MAP2K5: variants seen among roughly 807,000 people sequenced by gnomAD.
MAP2K5 encodes the protein mitogen-activated protein kinase kinase 5.
In MAP2K5, 49 loss-of-function variants were observed where a neutral mutation model predicts 83.1. That is an observed-to-expected ratio of 0.59 (90% confidence interval 0.47 to 0.75). The LOEUF is 0.75. Among genes scored for constraint, MAP2K5 ranks in the 30% least tolerant of loss-of-function variants. MAP2K5 has a pLI of 0.00. For missense variants in MAP2K5, 457 were observed against 557.5 expected (o/e 0.82, Z 1.82); for synonymous variants, 202 against 191.8 (o/e 1.05, Z -0.44).
Position 67,807,061 on chromosome 15 carries a change from G to T in MAP2K5, c.*311G>T. The T allele has an allele frequency of 1.1e-6, 1 of 945,556 alleles. No individual in the cohort carries two copies. The highest frequency in any genetic ancestry group is 1.7e-5 in the South Asian group (1 of 58,714). The allele number at this position is 945,556 out of a possible 1,614,324, so 58.6% of individuals were successfully genotyped here. A position where few individuals can be genotyped will look rare whatever the true frequency, so the allele number is the denominator to read the frequency against. ...TTTCCTAATGTTTTTCTCTATAAAG[G>T]GTCAGGCCCGTCAGCATCACTGATG... On this transcript the variant is annotated 3_prime_UTR_variant, in exon 22 of 22. Transcript: ENST00000178640. This position sits in a 1 kb window ranked among gnomAD's most constrained non-coding sequence, Gnocchi z 5.1.
At chr15:67,633,868 A>G (rs1284708166) in intron 9 of MAP2K5, among the ~76,000 whole-genome samples, 1 of 152,238 alleles carries the variant, frequency 6.6e-6, no homozygotes, top group African/African-American at 2.4e-5. Context: ...ATTTCTTCAA[A>G]ACAGGCAGAA....
At chr15:67,678,823 G>A (rs989250665) in intron 13 of MAP2K5, among the ~76,000 whole-genome samples, 16 of 152,054 alleles carry the variant, frequency 1.1e-4, no homozygotes, top group African/African-American at 3.6e-4. Flanking sequence ...AATTAGCGGG[G>A]CATGGTGGTG....
rs2141316195 is a variant in MAP2K5 at position 67,779,988 on chromosome 15, T to G, written c.1242+7236T>G. ...GCCCTCAGCCTAAAAGAGCCTCCTC[T>G]CCCCTCCCCTGGAAGGTCTTGGTCC... is the stretch of plus-strand genomic sequence containing the variant. On this transcript the variant is annotated intron_variant, in intron 21 of 21. Transcript: ENST00000178640. The surrounding 1 kb of genome is among the most constrained non-coding windows in gnomAD (Gnocchi z 4.6). Among the ~76,000 whole-genome samples, 1 of 152,264 alleles carries G rather than the reference T, an allele frequency of 6.6e-6. No homozygotes were observed. Among genetic ancestry groups the G allele is most frequent in the South Asian group, 2.1e-4 (1 of 4,820 alleles).
intron 3 of MAP2K5, 98 bp from the exon 4 acceptor site, chr15:67,580,656 C>A (rs1302116175): frequency 2.6e-6 from 2 of 779,792 alleles, no homozygotes; most frequent in Non-Finnish European, 4.6e-6. Flanking sequence ...ATGTATATAC[C>A]AGCAATTTAC....
intron 8 of MAP2K5, among the ~76,000 whole-genome samples, chr15:67,605,926 A>C (rs1365771205): frequency 2.6e-5 from 4 of 152,188 alleles, no homozygotes; most frequent in Admixed American, 2.0e-4. Flanking sequence ...GAATATCCAC[A>C]CTGAGGAGAT....
intron 9 of MAP2K5, among the ~76,000 whole-genome samples, chr15:67,634,763 TA>T (rs756659420): frequency 3.3e-4 from 51 of 152,316 alleles, no homozygotes; most frequent in South Asian, 1.0e-3. Context: ...GTTAGCATGA[TA>T]TTTTTTTTTT....
chr15:67,568,570 C>T (rs1306734646), intron 3 of MAP2K5, among the ~76,000 whole-genome samples: 3 of 152,162 alleles, frequency 2.0e-5, no homozygotes, highest in Admixed American at 6.5e-5. Flanking sequence ...AGTCTCTTTG[C>T]TCCTGGTTGT....
chr15:67,767,749 A>C (rs569212141), intron 19 of MAP2K5, among the ~76,000 whole-genome samples: 1 of 152,196 alleles, frequency 6.6e-6, no homozygotes, highest in African/African-American at 2.4e-5. Flanking sequence ...AGGACTTGTC[A>C]TGCTATTTTG....
Position 67,722,763 on chromosome 15 carries a change from C to T in MAP2K5, c.1045-5153C>T, listed in dbSNP as rs993488520. ...GTGTTCCAAAGTGGCTGCTGCATTT[C>T]TATAAAATGAAGATTTAACTGCAGC... On this transcript the variant is annotated intron_variant, in intron 16 of 21. Transcript: ENST00000178640. The surrounding 1 kb of genome is among the most constrained non-coding windows in gnomAD (Gnocchi z 4.2). 2.0e-5 allele frequency among the ~76,000 whole-genome samples: 3 copies of T among 152,054 alleles called. No homozygotes were observed. The highest frequency in any genetic ancestry group is 3.8e-4 in the East Asian group (2 of 5,198).
intron 13 of MAP2K5, among the ~76,000 whole-genome samples, chr15:67,682,913 G>C (rs1230697807): frequency 6.6e-6 from 1 of 151,736 alleles, no homozygotes; most frequent in Non-Finnish European, 1.5e-5. Context: ...GCTGAGGCAG[G>C]TGGATCACCT....
chr15:67,643,477 C>T (rs905388921), intron 9 of MAP2K5, among the ~76,000 whole-genome samples: 3 of 144,278 alleles, frequency 2.1e-5, no homozygotes, highest in Non-Finnish European at 4.6e-5. Context: ...GACAGAGTCT[C>T]GCTCTGTTGC....
chr15:67,804,974 C>T (rs148456127), intron 21 of MAP2K5, among the ~76,000 whole-genome samples: 401 of 152,328 alleles, frequency 2.6e-3, no homozygotes, highest in African/African-American at 9.2e-3. Flanking sequence ...CCTCTGCCAT[C>T]CACAGGGCCA....
At chr15:67,580,934 C>T (rs761637544) in intron 4 of MAP2K5, 111 bp downstream of exon 4, 20 of 726,476 alleles carry the variant, frequency 2.8e-5, no homozygotes, top group South Asian at 2.2e-4. Context: ...GCTCTTAATT[C>T]GAAAAACAAA....
At position 67,646,222 on chromosome 15, in the gene MAP2K5, T is replaced by C. The variant is rs762133150; in HGVS notation, c.586-9T>C. On this transcript the variant is annotated splice_polypyrimidine_tract_variant and intron_variant, in intron 9 of 21. Transcript: ENST00000178640. ...AGATTAAAAAATATTAATACCTTTC[T>C]ATATTTAGGTCATACTACTAGATAT... 1 of 1,147,114 alleles carries C rather than the reference T, an allele frequency of 8.7e-7. No homozygotes were observed. The highest frequency in any genetic ancestry group is 1.5e-5 in the South Asian group (1 of 66,894). The allele number at this position is 1,147,114 out of a possible 1,614,324, so 71.1% of individuals were successfully genotyped here.
chr15:67,737,338 G>C (rs1361090599), intron 17 of MAP2K5, among the ~76,000 whole-genome samples: 1 of 152,154 alleles, frequency 6.6e-6, no homozygotes, highest in Non-Finnish European at 1.5e-5. Flanking sequence ...ATTCAGTATG[G>C]AAAACTTGGG....
intron 9 of MAP2K5, among the ~76,000 whole-genome samples, chr15:67,631,259 A>T (rs951049127): frequency 2.0e-5 from 3 of 152,196 alleles, no homozygotes; most frequent in African/African-American, 7.2e-5. Flanking sequence ...TTCTTTAAAT[A>T]TGCCACATCC....
chr15:67,796,172 A>T (rs540593097), intron 21 of MAP2K5, among the ~76,000 whole-genome samples: 1 of 152,022 alleles, frequency 6.6e-6, no homozygotes, highest in African/African-American at 2.4e-5. Context: ...TTGTTTGTTG[A>T]TATACTTGAG....
intron 8 of MAP2K5, among the ~76,000 whole-genome samples, chr15:67,614,538 A>G (rs929331551): frequency 6.6e-6 from 1 of 152,096 alleles, no homozygotes; most frequent in African/African-American, 2.4e-5. Flanking sequence ...CCTTCTCATC[A>G]TTAGGCTTTA....
Position 67,746,112 on chromosome 15 carries a change from A to C in MAP2K5, c.1075-2119A>C, listed in dbSNP as rs139471491. Among the ~76,000 whole-genome samples the C allele has an allele frequency of 1.2e-4, 19 of 152,338 alleles. No homozygotes were observed. The highest frequency in any genetic ancestry group is 4.6e-4 in the African/African-American group (19 of 41,584). ...TACAGTTTTAAGTTGACTTAGACTAAGCTTTTAACCTGCAAAATAGGGCAA... is the reference window on the plus strand; with the variant it reads ...TACAGTTTTAAGTTGACTTAGACTACGCTTTTAACCTGCAAAATAGGGCAA... On this transcript the variant is annotated intron_variant, in intron 17 of 21. Coordinates refer to ENST00000178640, the MANE Select transcript of MAP2K5 (RefSeq NM_145160.3). This position sits in a 1 kb window ranked among gnomAD's most constrained non-coding sequence, Gnocchi z 4.1.
Sources: allele counts gnomAD v4.1 joint callset (sites outside exome capture counted in the v4.1 genomes callset), GRCh38; gene constraint gnomAD v4.1.1; non-coding constraint Gnocchi (gnomAD v3.1); transcripts MANE v1.5; gene names NCBI Gene and HGNC (gene_info 2026-07-23, HGNC 2026-07-21).